Variants in STK3 observed in about 807,000 individuals in gnomAD.
STK3 encodes serine/threonine-protein kinase 3.
STK3 carries 41 observed loss-of-function variants against 58.0 expected under a neutral mutation model. The observed-to-expected ratio is 0.71, with a 90% CI of 0.55 to 0.92. The LOEUF (loss-of-function observed/expected upper bound fraction) is 0.92, where lower values mean the gene tolerates loss of function less well. STK3 is among the 40% of genes least tolerant of loss of function. STK3 has a pLI of 0.00. For synonymous variants in STK3, 170 were observed against 191.0 expected, an observed-to-expected ratio of 0.89 and a Z score of 0.91; for missense variants, 479 against 602.7, an observed-to-expected ratio of 0.79 and a Z score of 2.15.
intron 2 of STK3, among the ~76,000 whole-genome samples, chr8:98,771,315 AT>A (rs1332689379): frequency 6.6e-6 from 1 of 152,218 alleles, no homozygotes; most frequent in Non-Finnish European, 1.5e-5. Flanking sequence ...GTACAGACAT[AT>A]CACGTTTTGT....
intron 3 of STK3, among the ~76,000 whole-genome samples, chr8:98,753,815 G>A (rs1013701833): frequency 6.6e-6 from 1 of 152,090 alleles, no homozygotes; most frequent in Non-Finnish European, 1.5e-5. Context: ...ATTCAAACCT[G>A]TTTTATCCCC....
chr8:98,406,124 G>A lies in STK3; in HGVS notation n.484-4611C>T, dbSNP rs138478187. On this transcript the variant is annotated intron_variant and non_coding_transcript_variant, in intron 3 of 3. Coordinates refer to the STK3 transcript ENST00000517832. ...TAGACTGGGTGCTATGGGCAACCAA[G>A]GATGTATCTTCATTCTCCAATCCTC... 1.1e-4 allele frequency among the ~76,000 whole-genome samples: 17 copies of A among 152,204 alleles called. No homozygotes were observed. The East Asian group carries it at 3.3e-3, about 29-fold the overall frequency.
chr8:98,364,054 A>C, the STK3 span, among the ~76,000 whole-genome samples: 19 of 152,216 alleles, frequency 1.2e-4, 1 homozygote, highest in Admixed American at 8.5e-4. Flanking sequence ...GAGAAATCTT[A>C]GTGAGTTGGT....
chr8:98,401,697 A>G (rs1292513245), intron 3 of STK3, among the ~76,000 whole-genome samples: 1 of 152,194 alleles, frequency 6.6e-6, no homozygotes, highest in African/African-American at 2.4e-5. Context: ...TGCCGACCAC[A>G]TGGGATTTTG....
At chr8:98,769,176 T>C (rs897477177) in intron 2 of STK3, among the ~76,000 whole-genome samples, 7 of 152,180 alleles carry the variant, frequency 4.6e-5, no homozygotes, top group African/African-American at 1.7e-4. Flanking sequence ...GTAGAAGAAG[T>C]GTTTCCAAGG....
At chr8:98,483,590 T>C (rs1329926976) in intron 10 of STK3, among the ~76,000 whole-genome samples, 2 of 152,200 alleles carry the variant, frequency 1.3e-5, no homozygotes, top group Non-Finnish European at 2.9e-5. Flanking sequence ...AAATACATAG[T>C]CCTGCCAAAT....
intron 10 of STK3, among the ~76,000 whole-genome samples, chr8:98,514,534 A>C (rs1307978190): frequency 1.1e-4 from 16 of 139,324 alleles, no homozygotes; most frequent in South Asian, 2.4e-4. Flanking sequence ...CACTCCCCCT[A>C]CCTCCCCACA....
upstream of STK3, among the ~76,000 whole-genome samples, chr8:98,826,983 A>G (rs538523695): frequency 1.9e-4 from 25 of 133,696 alleles, no homozygotes; most frequent in South Asian, 5.8e-3. Context: ...TAAATTCCAT[A>G]TATACCTTTC....
At chr8:98,900,811 G>A (rs1275952732) in intron 1 of STK3, among the ~76,000 whole-genome samples, 1 of 151,606 alleles carries the variant, frequency 6.6e-6, no homozygotes, top group Admixed American at 6.6e-5. Context: ...ACAGGTGCAC[G>A]CCATGACACC....
At chr8:98,816,448 C>T (rs189551579) in intron 1 of STK3, among the ~76,000 whole-genome samples, 110 of 152,186 alleles carry the variant, frequency 7.2e-4, no homozygotes, top group African/African-American at 2.5e-3. Context: ...GAGGGTCAGG[C>T]TGTAGTGAGC....
At chr8:98,564,725 T>C (rs1019052717) in intron 8 of STK3, among the ~76,000 whole-genome samples, 1 of 152,122 alleles carries the variant, frequency 6.6e-6, no homozygotes, top group African/African-American at 2.4e-5. Context: ...ATATCACACT[T>C]TACCCTGTAA....
the STK3 span, among the ~76,000 whole-genome samples, chr8:98,346,608 A>G: frequency 6.6e-5 from 10 of 151,966 alleles, 1 homozygote; most frequent in African/African-American, 2.4e-4. Flanking sequence ...AAAGACCACA[A>G]CATTCAAAGG....
At chr8:98,364,319 A>G in the STK3 span, among the ~76,000 whole-genome samples, 1 of 152,088 alleles carries the variant, frequency 6.6e-6, no homozygotes, top group Non-Finnish European at 1.5e-5. Flanking sequence ...GTGGCTACCT[A>G]TGAATTCCCA....
Position 98,477,704 on chromosome 8 carries a change from GGGGGGGGGGGGGTGGGC to G in STK3, c.1318-21721_1318-21705del, listed in dbSNP as rs1352337477. Reference sequence around the variant, plus strand: ...CCTCGCATAATCATCACACTTGGCGGGGGGGGGGGGGGTGGGCGGGGGGGGGCCCTAATGAAGGCAAG... The same window carrying G: ...CCTCGCATAATCATCACACTTGGCGGGGGGGGGGGCCCTAATGAAGGCAAG... On this transcript the variant is annotated intron_variant, in intron 10 of 10. Transcript: ENST00000419617. Among the ~76,000 whole-genome samples, 15 of 75,474 alleles carry G rather than the reference GGGGGGGGGGGGGTGGGC, an allele frequency of 2.0e-4. 2 individuals carry two copies. The highest frequency in any genetic ancestry group is 4.9e-4 in the African/African-American group (10 of 20,568). 49.5% of individuals were successfully genotyped at this position (75,474 alleles called of 152,430 possible).
At chr8:98,755,088 A>G (rs1262660976) in intron 3 of STK3, among the ~76,000 whole-genome samples, 3 of 152,208 alleles carry the variant, frequency 2.0e-5, no homozygotes, top group Middle Eastern at 3.2e-3. Flanking sequence ...AAAATAATTC[A>G]TGGCCCATCT....
intron 6 of STK3, among the ~76,000 whole-genome samples, chr8:98,620,966 G>T (rs956908133): frequency 1.6e-5 from 2 of 123,172 alleles, no homozygotes; most frequent in African/African-American, 3.1e-5. Context: ...GTCTCGCTCT[G>T]TCGCCCAGGC....
intron 10 of STK3, among the ~76,000 whole-genome samples, chr8:98,522,853 T>C (rs970157911): frequency 5.3e-5 from 8 of 152,224 alleles, no homozygotes. Flanking sequence ...TCAGTGCTTA[T>C]CCATGTTGTA....
chr8:98,857,689 C>T (rs1313639033), intron 3 of STK3, among the ~76,000 whole-genome samples: 1 of 152,118 alleles, frequency 6.6e-6, no homozygotes, highest in African/African-American at 2.4e-5. Context: ...CTAAAAGTGA[C>T]ATCAATGACC....
chr8:98,790,148 A>G (rs1429826898), intron 1 of STK3, among the ~76,000 whole-genome samples: 1 of 152,172 alleles, frequency 6.6e-6, no homozygotes, highest in Non-Finnish European at 1.5e-5. Flanking sequence ...AGACAGAAAA[A>G]GAAGGAACCC....
Sources: allele counts gnomAD v4.1 joint callset (sites outside exome capture counted in the v4.1 genomes callset), GRCh38; gene constraint gnomAD v4.1.1; transcripts MANE v1.5; gene names NCBI Gene and HGNC (gene_info 2026-07-23, HGNC 2026-07-21).